The following C19orf38 variants were observed in gnomAD, a reference collection of about 807,000 sequenced individuals.
The protein encoded by C19orf38 is chromosome 19 open reading frame 38, also known as protein HIDE1.
Under a neutral mutation model 26.6 loss-of-function variants are expected in C19orf38, and 14 were observed. The observed-to-expected ratio is 0.53, with a 90% CI of 0.35 to 0.82. C19orf38 has a LOEUF of 0.82. Ranked by LOEUF, C19orf38 falls within the 40% of genes least tolerant of loss-of-function variation. C19orf38 has a pLI of 0.01. For missense variants in C19orf38, 261 were observed against 299.5 expected (o/e 0.87, Z 0.95); for synonymous variants, 132 against 128.5 (o/e 1.03, Z -0.18).
chr19:10,855,276 A>C (rs1158548000), intron 2 of C19orf38, among the ~76,000 whole-genome samples: 1 of 151,690 alleles, frequency 6.6e-6, no homozygotes, highest in Admixed American at 6.6e-5. Context: ...CAGGTGATCC[A>C]CCCACCTCAG....
intron 6 of C19orf38, among the ~76,000 whole-genome samples, chr19:10,867,855 G>A (rs2073767662): frequency 6.6e-6 from 1 of 151,586 alleles, no homozygotes; most frequent in African/African-American, 2.4e-5. Context: ...GTTTCACCAT[G>A]TTGGCCAGGC....
chr19:10,844,704 C>T (rs1208383547), upstream of C19orf38, among the ~76,000 whole-genome samples: 2 of 151,110 alleles, frequency 1.3e-5, no homozygotes, highest in Admixed American at 6.6e-5. Context: ...AAAAATTAGC[C>T]GGGCGTGGTG....
intron 1 of C19orf38, among the ~76,000 whole-genome samples, chr19:10,837,458 G>A (rs372790323): frequency 6.2e-4 from 91 of 146,430 alleles, no homozygotes; most frequent in African/African-American, 2.0e-3. Context: ...TGGAGAACGG[G>A]TGACTCCTTT....
At chr19:10,852,388 A>T (rs1034296464) in intron 2 of C19orf38, among the ~76,000 whole-genome samples, 7 of 152,176 alleles carry the variant, frequency 4.6e-5, no homozygotes, top group African/African-American at 1.7e-4. Context: ...AATCCAATAT[A>T]TATTCAACCT....
chr19:10,844,402 C>CA (rs1249868993), upstream of C19orf38, among the ~76,000 whole-genome samples: 305 of 64,924 alleles, frequency 4.7e-3, no homozygotes, highest in Middle Eastern at 0.015. Flanking sequence ...GACTCCGTCT[C>CA]AAAAAAAAAA....
At chr19:10,848,572 C>T (rs773763938) in intron 1 of C19orf38, 33 bp downstream of exon 1, 251 of 1,326,738 alleles carry the variant, frequency 1.9e-4, no homozygotes, top group South Asian at 3.1e-4. Context: ...AGATCCCCCA[C>T]GCCTTTCCCC....
At chr19:10,845,733 G>T (rs1331462344), upstream of C19orf38, among the ~76,000 whole-genome samples, 1 of 152,004 alleles carries the variant, frequency 6.6e-6, no homozygotes, top group East Asian at 1.9e-4. Context: ...CAAAAAATTA[G>T]CCATGCATGG....
intron 5 of C19orf38, among the ~76,000 whole-genome samples, chr19:10,861,349 G>T (rs1377550355): frequency 1.3e-5 from 2 of 152,212 alleles, no homozygotes; most frequent in African/African-American, 2.4e-5. Flanking sequence ...TGTCATGCAG[G>T]ATATTCTCTT....
At chr19:10,837,991 T>C (rs1228879884) in intron 1 of C19orf38, among the ~76,000 whole-genome samples, 1 of 152,160 alleles carries the variant, frequency 6.6e-6, no homozygotes, top group Non-Finnish European at 1.5e-5. Flanking sequence ...GAGGTTTCCC[T>C]GTGTTGCCCA....
Position 10,859,934 on chromosome 19 carries a change from G to A in C19orf38, c.481G>A (p.Ala161Thr), listed in dbSNP as rs116126071. 1.9e-6 allele frequency: 3 copies of A among 1,551,916 alleles called. No individual in the cohort carries two copies. The Admixed American group carries it at 5.9e-5, about 30-fold the overall frequency. The change falls in exon 5 of 7, where the codon GCC (alanine) becomes ACC (threonine). Residue 161 changes from alanine to threonine, a missense_variant. By Grantham distance (58) the Ala-to-Thr change is moderately conservative (BLOSUM62 0). Coordinates refer to ENST00000397820, the MANE Select transcript of C19orf38 (RefSeq NM_001136482.3). Reference sequence around the variant, plus strand: ...TTGCAGAGATCGAGAATCCTGCTGGGCCCAGATTAACTTCGACAGCACAGG... The same window carrying A: ...TTGCAGAGATCGAGAATCCTGCTGGACCCAGATTAACTTCGACAGCACAGG... ...QKKRDRESCW[A>T]QINFDSTDMS...
intron 1 of C19orf38, among the ~76,000 whole-genome samples, chr19:10,840,752 C>A (rs909192430): frequency 4.6e-5 from 7 of 151,752 alleles, no homozygotes; most frequent in Admixed American, 1.3e-4. Flanking sequence ...CTCTTGACCT[C>A]GTGATCTGCC....
intron 6 of C19orf38, among the ~76,000 whole-genome samples, chr19:10,866,449 A>G (rs921903019): frequency 5.2e-5 from 7 of 134,496 alleles, no homozygotes; most frequent in African/African-American, 1.7e-4. Context: ...CAAATGATCC[A>G]CCTGCCTCAG....
intron 6 of C19orf38, among the ~76,000 whole-genome samples, chr19:10,864,897 G>A (rs2073737154): frequency 6.6e-6 from 1 of 152,162 alleles, no homozygotes; most frequent in African/African-American, 2.4e-5. Flanking sequence ...GATGGAGAGG[G>A]GAGTCTACAG....
intron 5 of C19orf38, among the ~76,000 whole-genome samples, chr19:10,862,493 C>G (rs1048453064): frequency 1.3e-5 from 2 of 152,100 alleles, no homozygotes; most frequent in African/African-American, 2.4e-5. Flanking sequence ...CCGTGAGCCA[C>G]CTCACCTGGC....
upstream of C19orf38, among the ~76,000 whole-genome samples, chr19:10,846,723 A>G (rs1485996105): frequency 6.6e-6 from 1 of 152,230 alleles, no homozygotes; most frequent in East Asian, 1.9e-4. Flanking sequence ...GTAAGGGGAT[A>G]TAAATAACTT....
At position 10,848,416 on chromosome 19, in the gene C19orf38, T is replaced by C. The variant is rs1422642168; in HGVS notation, c.-93T>C. On this transcript the variant is annotated 5_prime_UTR_variant, in exon 1 of 7. Transcript: ENST00000397820. ...TCAGCTCGAGAATCAGCCCTGGTTC[T>C]CCTTTCCCCGATCTGGCCTCACAGG... is the stretch of plus-strand genomic sequence containing the variant. 8.7e-6 allele frequency: 12 copies of C among 1,374,444 alleles called. No homozygotes were observed. Among genetic ancestry groups the C allele is most frequent in the African/African-American group, 2.9e-5 (2 of 69,508 alleles). The allele number at this position is 1,374,444 out of a possible 1,614,324, so 85.1% of individuals were successfully genotyped here.
chr19:10,865,208 G>C (rs2073739819), intron 6 of C19orf38, among the ~76,000 whole-genome samples: 1 of 152,158 alleles, frequency 6.6e-6, no homozygotes, highest in Non-Finnish European at 1.5e-5. Context: ...CTGGAGTGCA[G>C]TGGCTTGATC....
upstream of C19orf38, among the ~76,000 whole-genome samples, chr19:10,843,756 C>T (rs1182576138): frequency 2.0e-5 from 3 of 152,074 alleles, no homozygotes; most frequent in African/African-American, 7.2e-5. Context: ...TGGTGGGAGA[C>T]ACGGGACACT....
upstream of C19orf38, chr19:10,848,346 A>G (rs2073534938): frequency 1.2e-5 from 8 of 682,640 alleles, no homozygotes; most frequent in Non-Finnish European, 2.0e-5. Context: ...AGTCCCTTTC[A>G]GTGCCCAAGC....
Sources: allele counts gnomAD v4.1 joint callset (sites outside exome capture counted in the v4.1 genomes callset), GRCh38; gene constraint gnomAD v4.1.1; transcripts MANE v1.5; gene names NCBI Gene and HGNC (gene_info 2026-07-23, HGNC 2026-07-21).